The following RBFOX1 variants were observed in gnomAD, a reference collection of about 807,000 sequenced individuals.
The protein encoded by RBFOX1 is RNA binding protein fox-1 homolog 1.
RBFOX1 carries 8 observed loss-of-function variants against 57.7 expected under a neutral mutation model. The ratio of observed to expected loss-of-function variants is 0.14; its 90% CI spans 0.08 to 0.25. The LOEUF is 0.25. RBFOX1 is among the 10% of genes least tolerant of loss of function. The probability of loss-of-function intolerance (pLI) is 1.00; values close to 1 mark genes in which losing one functional copy is unlikely to be tolerated. For synonymous variants in RBFOX1, 326 were observed against 222.4 expected (o/e 1.47, Z -4.15); for missense variants, 611 against 548.5 (o/e 1.11, Z -1.14).
intron 3 of RBFOX1, among the ~76,000 whole-genome samples, chr16:6,962,828 G>A (rs1006684150): frequency 1.3e-5 from 2 of 148,988 alleles, no homozygotes; most frequent in Admixed American, 6.7e-5. Flanking sequence ...TCATGCCACT[G>A]CACTCCAGCC....
intron 3 of RBFOX1, among the ~76,000 whole-genome samples, chr16:6,764,830 G>A (rs954738156): frequency 2.0e-4 from 31 of 152,058 alleles, no homozygotes; most frequent in South Asian, 6.2e-4. Flanking sequence ...CTAGCTACTC[G>A]GGAAGCTGAG....
chr16:5,701,708 A>G (rs1374484083), intron 3 of RBFOX1, among the ~76,000 whole-genome samples: 1 of 152,202 alleles, frequency 6.6e-6, no homozygotes, highest in Non-Finnish European at 1.5e-5. Flanking sequence ...TGCTGGGACT[A>G]CAGGTGTGAG....
chr16:6,142,481 A>G (rs1475082602), intron 1 of RBFOX1, among the ~76,000 whole-genome samples: 2 of 152,064 alleles, frequency 1.3e-5, no homozygotes, highest in African/African-American at 2.4e-5. Context: ...TCGGCCTCCC[A>G]AAGCGCTGGG....
chr16:5,570,849 A>AAT (rs1323660963), intron 2 of RBFOX1, among the ~76,000 whole-genome samples: 2 of 151,688 alleles, frequency 1.3e-5, no homozygotes, highest in African/African-American at 4.8e-5. Context: ...CAAAAAAAAA[A>AAT]AAAATAAAGC....
At chr16:5,252,241 G>C (rs931827976) in intron 1 of RBFOX1, among the ~76,000 whole-genome samples, 1 of 152,234 alleles carries the variant, frequency 6.6e-6, no homozygotes, top group Non-Finnish European at 1.5e-5. Flanking sequence ...TGGTTTCTCT[G>C]TGAGTTTCAA....
chr16:5,485,367 A>AAAAAAAAAAAAAC (rs2069695761), intron 2 of RBFOX1, among the ~76,000 whole-genome samples: 1 of 149,776 alleles, frequency 6.7e-6, no homozygotes, highest in Admixed American at 6.6e-5. Flanking sequence ...AAAAAAAAAA[A>AAAAAAAAAAAAAC]AGTGAATAAG....
At chr16:5,943,586 C>T (rs1030855581) in intron 4 of RBFOX1, among the ~76,000 whole-genome samples, 1 of 152,194 alleles carries the variant, frequency 6.6e-6, no homozygotes, top group Admixed American at 6.5e-5. Context: ...GTCACTAACT[C>T]TTTGGGTCAA....
At chr16:6,780,217 ATT>A (rs1467404620) in intron 3 of RBFOX1, among the ~76,000 whole-genome samples, 1 of 66,250 alleles carries the variant, frequency 1.5e-5, no homozygotes, top group South Asian at 6.1e-4. Context: ...ATTTATATAT[ATT>A]TATATATATA....
chr16:7,684,497 C>A (rs949513393), intron 14 of RBFOX1, among the ~76,000 whole-genome samples: 1 of 151,816 alleles, frequency 6.6e-6, no homozygotes, highest in Non-Finnish European at 1.5e-5. Flanking sequence ...TAATCAAAGC[C>A]AAATATTCTC....
At chr16:6,723,787 T>C (rs552974649) in intron 3 of RBFOX1, 1 of 152,214 alleles carries the variant, frequency 6.6e-6, no homozygotes, top group Non-Finnish European at 1.5e-5. Context: ...CCCCTAGACT[T>C]CTGGAGAGTC....
chr16:6,877,519 C>T (rs974061855), intron 3 of RBFOX1, among the ~76,000 whole-genome samples: 2 of 152,136 alleles, frequency 1.3e-5, no homozygotes, highest in Non-Finnish European at 2.9e-5. Context: ...GGAAAAAGAG[C>T]ATCGACTCTC....
intron 1 of RBFOX1, among the ~76,000 whole-genome samples, chr16:6,290,766 T>G (rs2077389267): frequency 6.6e-6 from 1 of 152,202 alleles, no homozygotes; most frequent in Non-Finnish European, 1.5e-5. Flanking sequence ...TTATTTCCAC[T>G]TTAAAATACA....
intron 2 of RBFOX1, among the ~76,000 whole-genome samples, chr16:6,517,063 A>G (rs570599941): frequency 1.3e-5 from 2 of 152,290 alleles, no homozygotes; most frequent in African/African-American, 2.4e-5. Flanking sequence ...CATTCCAAAT[A>G]TAGAGGTGGA....
At chr16:6,256,183 A>G (rs1468050831) in intron 1 of RBFOX1, among the ~76,000 whole-genome samples, 3,572 of 41,566 alleles carry the variant, frequency 0.086, 541 homozygotes, top group African/African-American at 0.22. Flanking sequence ...ATATATATAT[A>G]TACGTATATA....
In RBFOX1 at chr16:7,711,661, A is replaced by T. The variant is rs1252928736; in HGVS notation, c.*916A>T. On this transcript the variant is annotated 3_prime_UTR_variant, in exon 16 of 16. Coordinates refer to ENST00000550418, the MANE Select transcript of RBFOX1 (RefSeq NM_018723.4). Reference sequence around the variant, plus strand: ...CTTAAATTCTTTGTACCAGTTAAAAAAAATGTATAAAATTTACATCTGTGC... The same window carrying T: ...CTTAAATTCTTTGTACCAGTTAAAATAAATGTATAAAATTTACATCTGTGC... 1 of 152,644 alleles carries T rather than the reference A, an allele frequency of 6.6e-6. No individual in the cohort carries two copies. Among genetic ancestry groups the T allele is most frequent in the Non-Finnish European group, 1.5e-5 (1 of 68,026 alleles). The allele number at this position is 152,644 out of a possible 1,614,324, so 9.5% of individuals were successfully genotyped here. A position where few individuals can be genotyped will look rare whatever the true frequency, so the allele number is the denominator to read the frequency against.
At chr16:6,718,439 C>A (rs28651468) in intron 3 of RBFOX1, among the ~76,000 whole-genome samples, 5 of 152,130 alleles carry the variant, frequency 3.3e-5, no homozygotes, top group Middle Eastern at 3.4e-3. Flanking sequence ...CAAGGTAATG[C>A]GAGTAAGAGT....
At chr16:7,293,292 A>G (rs557418229) in intron 4 of RBFOX1, among the ~76,000 whole-genome samples, 2 of 152,296 alleles carry the variant, frequency 1.3e-5, no homozygotes, top group South Asian at 4.1e-4. Context: ...CTAGAAGATG[A>G]TTTAAAGTAT....
At chr16:6,753,767 C>T (rs1173780198) in intron 3 of RBFOX1, among the ~76,000 whole-genome samples, 1 of 152,098 alleles carries the variant, frequency 6.6e-6, no homozygotes, top group East Asian at 1.9e-4. Flanking sequence ...TTATGTGATT[C>T]GTAGTGAGAG....
At chr16:7,063,267 C>G (rs1016606830) in intron 4 of RBFOX1, among the ~76,000 whole-genome samples, 5 of 152,108 alleles carry the variant, frequency 3.3e-5, no homozygotes, top group African/African-American at 9.7e-5. Context: ...CTTTGGAACT[C>G]TGTCCTTCCC....
Sources: gnomAD v4.1 joint callset for allele counts (sites outside exome capture counted in the v4.1 genomes callset) on GRCh38, gnomAD v4.1.1 for gene constraint, MANE v1.5 for transcripts, NCBI Gene and HGNC (gene_info 2026-07-23, HGNC 2026-07-21) for gene names.